The following ATRN variants were observed in gnomAD, a reference collection of about 807,000 sequenced individuals.
ATRN encodes the protein attractin-2.
ATRN carries 54 observed loss-of-function variants against 178.7 expected under a neutral mutation model. The ratio of observed to expected loss-of-function variants is 0.30; its 90% CI spans 0.24 to 0.38. The LOEUF (loss-of-function observed/expected upper bound fraction) is 0.38, where lower values mean the gene tolerates loss of function less well. ATRN is among the 10% of genes least tolerant of loss of function. ATRN has a pLI of 1.00. For missense variants in ATRN, 1,443 were observed against 1,815.1 expected, an observed-to-expected ratio of 0.79 and a Z score of 3.73; for synonymous variants, 636 against 663.0, an observed-to-expected ratio of 0.96 and a Z score of 0.63.
chr20:3,519,006 T>TAAAA lies in ATRN; in HGVS notation c.411-16236_411-16233dup, dbSNP rs577864057. On this transcript the variant is annotated intron_variant, in intron 1 of 28. Coordinates refer to ENST00000262919, the MANE Select transcript of ATRN (RefSeq NM_139321.3). ...GTGCTTCAATAAACATCCTTATATA[T>TAAAA]AAAAAAAAAAAAAAGAAAGAAAACT... Among the ~76,000 whole-genome samples the TAAAA allele has an allele frequency of 1.3e-3, 155 of 119,488 alleles. 1 individual carries two copies. The highest frequency in any genetic ancestry group is 3.6e-3 in the African/African-American group (107 of 29,748). The allele number at this position is 119,488 out of a possible 152,430, so 78.4% of individuals were successfully genotyped here. A position where few individuals can be genotyped will look rare whatever the true frequency, so the allele number is the denominator to read the frequency against.
chr20:3,584,075 C>T lies in ATRN; in HGVS notation c.2942C>T (p.Thr981Ile). ...TGTATGGAATGGTATACGATGAGCA[C>T]CTGCCCCCGTAAGTGAAAAAGGGAG... ...GQCMEWYTMS[T>I]CPPENCSGYC... Residue 981 changes from threonine (T) to isoleucine (I), a missense_variant, in exon 17 of 29, where the codon ACC (threonine) becomes ATC (isoleucine). By Grantham distance (89) the Thr-to-Ile change is moderately conservative. Transcript: ENST00000262919. The T allele has an allele frequency of 6.2e-7, 1 of 1,613,720 alleles. No homozygotes were observed. Among genetic ancestry groups the T allele is most frequent in the Non-Finnish European group, 8.5e-7 (1 of 1,179,734 alleles).
chr20:3,528,777 A>G (rs2085409913), intron 1 of ATRN, among the ~76,000 whole-genome samples: 1 of 152,178 alleles, frequency 6.6e-6, no homozygotes, highest in Admixed American at 6.5e-5. Context: ...ATATGTGCAG[A>G]TGATCAGTAA....
intron 3 of ATRN, among the ~76,000 whole-genome samples, chr20:3,542,081 C>T (rs1336501483): frequency 6.6e-6 from 1 of 152,164 alleles, no homozygotes; most frequent in East Asian, 1.9e-4. Context: ...CTTACAAGGC[C>T]AAAGAGCAGG....
chr20:3,540,191 T>C (rs766565184), intron 2 of ATRN, 31 bp from the exon 3 acceptor site: 2 of 1,296,168 alleles, frequency 1.5e-6, no homozygotes, highest in Admixed American at 4.2e-5. Flanking sequence ...GTGATAACTT[T>C]ATTATAAATT....
chr20:3,552,204 C>T (rs1276475868), intron 6 of ATRN, among the ~76,000 whole-genome samples: 1 of 152,170 alleles, frequency 6.6e-6, no homozygotes, highest in Non-Finnish European at 1.5e-5. Flanking sequence ...AGGGCTTAAC[C>T]CTTGGTCCAT....
chr20:3,601,703 A>C (rs2146287072), intron 23 of ATRN, among the ~76,000 whole-genome samples: 1 of 150,656 alleles, frequency 6.6e-6, no homozygotes, highest in African/African-American at 2.4e-5. Flanking sequence ...TCTACAAAAA[A>C]AAAAAAAAAA....
chr20:3,634,505 C>T (rs190666594), intron 26 of ATRN, 116 bp downstream of exon 26: 65 of 862,954 alleles, frequency 7.5e-5, no homozygotes, highest in East Asian at 1.6e-4. Flanking sequence ...GACATCTCCA[C>T]GGAAGGAATA....
chr20:3,507,823 TA>T (rs2085068519), intron 1 of ATRN, among the ~76,000 whole-genome samples: 1 of 151,112 alleles, frequency 6.6e-6, no homozygotes, highest in South Asian at 2.1e-4. Context: ...TAGCTGGGAC[TA>T]CAGGCGCGCC....
intron 24 of ATRN, among the ~76,000 whole-genome samples, chr20:3,622,346 A>G (rs138330687): frequency 6.6e-5 from 10 of 152,246 alleles, no homozygotes; most frequent in Admixed American, 5.2e-4. Flanking sequence ...TCCTTTGCCA[A>G]TGGTTTTGTG....
At chr20:3,618,826 C>T (rs1323713637) in intron 24 of ATRN, among the ~76,000 whole-genome samples, 2 of 122,684 alleles carry the variant, frequency 1.6e-5, no homozygotes, top group African/African-American at 8.1e-5. Context: ...CATGTATGAA[C>T]TTTGGTGGTG....
intron 24 of ATRN, among the ~76,000 whole-genome samples, chr20:3,605,836 A>C (rs2146293003): frequency 6.6e-6 from 1 of 152,304 alleles, no homozygotes; most frequent in East Asian, 1.9e-4. Context: ...TGTGTGTAGC[A>C]AACCACTGTG....
At chr20:3,561,526 A>G (rs1294595199) in intron 8 of ATRN, among the ~76,000 whole-genome samples, 1 of 152,200 alleles carries the variant, frequency 6.6e-6, no homozygotes, top group Non-Finnish European at 1.5e-5. Context: ...AAGAAAAAAA[A>G]TATTTGCCCA....
intron 1 of ATRN, among the ~76,000 whole-genome samples, chr20:3,493,878 C>CA: frequency 6.6e-6 from 1 of 152,096 alleles, no homozygotes; most frequent in African/African-American, 2.4e-5. Context: ...TTTGTTGTTG[C>CA]AAAACTGTGT....
At chr20:3,562,936 A>C (rs982422321) in intron 9 of ATRN, among the ~76,000 whole-genome samples, 1 of 152,188 alleles carries the variant, frequency 6.6e-6, no homozygotes, top group African/African-American at 2.4e-5. Context: ...GCTTCTGTCA[A>C]TATTTCACAT....
At chr20:3,551,495 A>G (rs559426870) in intron 6 of ATRN, among the ~76,000 whole-genome samples, 2 of 152,264 alleles carry the variant, frequency 1.3e-5, no homozygotes, top group East Asian at 3.9e-4. Flanking sequence ...TCAAAAGAGT[A>G]TTCCCTCAGT....
Position 3,591,423 on chromosome 20 carries a change from T to C in ATRN, c.3322+117T>C, listed in dbSNP as rs1011487164. 1.6e-5 allele frequency: 20 copies of C among 1,276,284 alleles called. No homozygotes were observed. In the African/African-American group the frequency reaches 3.0e-4, roughly 19 times the overall value. 79.1% of individuals were successfully genotyped at this position (1,276,284 alleles called of 1,614,324 possible). On this transcript the variant is annotated intron_variant, in intron 19 of 28. Coordinates refer to ENST00000262919, the MANE Select transcript of ATRN (RefSeq NM_139321.3). ...TTTGTTTTGGATACCACATTTCTTA[T>C]TAAATCATACTGGTCAGAAGCTCAG... is the stretch of plus-strand genomic sequence containing the variant.
At chr20:3,473,744 G>A (rs1464066479) in intron 1 of ATRN, among the ~76,000 whole-genome samples, 1 of 152,158 alleles carries the variant, frequency 6.6e-6, no homozygotes, top group African/African-American at 2.4e-5. Flanking sequence ...AGCGGTGTGG[G>A]AAGGGGACTT....
intron 28 of ATRN, among the ~76,000 whole-genome samples, chr20:3,644,831 GC>G (rs1375334731): frequency 6.6e-6 from 1 of 152,206 alleles, no homozygotes; most frequent in African/African-American, 2.4e-5. Flanking sequence ...GCACAGTTCT[GC>G]TATCCCACAA....
intron 28 of ATRN, among the ~76,000 whole-genome samples, chr20:3,646,334 T>TA (rs2087107699): frequency 1.3e-5 from 2 of 152,182 alleles, no homozygotes; most frequent in South Asian, 4.1e-4. Context: ...ATTGGGCACT[T>TA]AGCACACGTC....
Sources: gnomAD v4.1 joint callset for allele counts (sites outside exome capture counted in the v4.1 genomes callset) on GRCh38, gnomAD v4.1.1 for gene constraint, MANE v1.5 for transcripts, NCBI Gene and HGNC (gene_info 2026-07-23, HGNC 2026-07-21) for gene names.